Variants in MEF2D observed in about 807,000 individuals in gnomAD.
MEF2D encodes myocyte-specific enhancer factor 2D.
A neutral mutation model predicts 59.3 loss-of-function variants in MEF2D; 10 were observed. That is an observed-to-expected ratio of 0.17 (90% CI 0.10 to 0.29). The LOEUF (loss-of-function observed/expected upper bound fraction) is 0.29, where lower values mean the gene tolerates loss of function less well. Among genes scored for constraint, MEF2D ranks in the 10% least tolerant of loss-of-function variants. The pLI, the probability that MEF2D is intolerant of heterozygous loss-of-function variation, is 1.00. For synonymous variants in MEF2D, 305 were observed against 295.0 expected (o/e 1.03, Z -0.35); for missense variants, 508 against 699.4 (o/e 0.73, Z 3.09).
At chr1:156,478,011 G>A (rs1318767533) in intron 6 of MEF2D, among the ~76,000 whole-genome samples, 1 of 152,220 alleles carries the variant, frequency 6.6e-6, no homozygotes, top group Non-Finnish European at 1.5e-5. Context: ...GTTCACAGAA[G>A]AGGAAACTAG....
Position 156,468,003 on chromosome 1 carries a change from A to G in MEF2D, c.1544T>C (p.Leu515Pro). The G allele has an allele frequency of 6.2e-7, 1 of 1,612,344 alleles. No homozygotes were observed. Among genetic ancestry groups the G allele is most frequent in the Non-Finnish European group, 8.5e-7 (1 of 1,179,470 alleles). The change falls in exon 11 of 12, where the codon CTT becomes CCT. Residue 515 changes from leucine (L) to proline (P), a missense_variant. Coordinates refer to ENST00000348159, the MANE Select transcript of MEF2D (RefSeq NM_005920.4). This position sits in a 1 kb window ranked among gnomAD's most constrained non-coding sequence, Gnocchi z 4.3. ...AEGSAVKRMRLDTWTLK is the reference protein window; with the variant it reads ...AEGSAVKRMRPDTWTLK ...GTGATGCTACAGTACCCAGGTATCA[A>G]GCCGCATCCTCTTCACAGCTGAGCC... is the stretch of plus-strand genomic sequence containing the variant.
intron 6 of MEF2D, among the ~76,000 whole-genome samples, chr1:156,478,926 C>T (rs1425960105): frequency 5.9e-5 from 9 of 152,168 alleles, no homozygotes; most frequent in Non-Finnish European, 1.0e-4. Flanking sequence ...TGAGTGCCTG[C>T]GTGAGTGTCT....
chr1:156,483,078 G>A (rs2282286), intron 2 of MEF2D, among the ~76,000 whole-genome samples, 161 bp downstream of exon 2: 83,727 of 151,940 alleles, frequency 0.55, 24,989 homozygotes, highest in East Asian at 0.73. Flanking sequence ...CAAGAGCTGC[G>A]AAGAGGTTGG....
chr1:156,500,281 G>A (rs1384673826), intron 1 of MEF2D, among the ~76,000 whole-genome samples: 1 of 152,110 alleles, frequency 6.6e-6, no homozygotes, highest in African/African-American at 2.4e-5. Flanking sequence ...CCCCACGACA[G>A]ACTCCCTGAC....
chr1:156,468,976 T>A lies in MEF2D; in HGVS notation c.1051A>T (p.Ser351Cys), dbSNP rs868556095. The A allele has an allele frequency of 1.9e-6, 3 of 1,612,918 alleles. No individual in the cohort carries two copies. In the Middle Eastern group the frequency reaches 5.0e-4, roughly 266 times the overall value. Reference sequence around the variant, plus strand: ...CCTAGCGACAGCCCCCCAGGTGAACTAAAGGCTGGTAAGGAGGAGAGCTCT... The same window carrying A: ...CCTAGCGACAGCCCCCCAGGTGAACAAAAGGCTGGTAAGGAGGAGAGCTCT... ...SAELSSLPAF[S>C]SPGGLSLGNV... The change falls in exon 10 of 12, where the codon AGT (serine) becomes TGT (cysteine). Residue 351 changes from serine (S) to cysteine (C), a missense_variant. Transcript: ENST00000348159. This position sits in a 1 kb window ranked among gnomAD's most constrained non-coding sequence, Gnocchi z 4.3.
Position 156,464,333 on chromosome 1 carries a change from G to T in MEF2D, c.*3312C>A, listed in dbSNP as rs1670701982. The stretch of plus-strand genomic sequence containing the variant: ...ACAAATAAATAATCAGCAAGAGAAG[G>T]TGCATTACTTCCTTCCTGTCCAAGG... On this transcript the variant is annotated 3_prime_UTR_variant, in exon 12 of 12. Transcript: ENST00000348159. 1 of 151,668 alleles carries T rather than the reference G, an allele frequency of 6.6e-6. No individual in the cohort carries two copies. Among genetic ancestry groups the T allele is most frequent in the Non-Finnish European group, 1.5e-5 (1 of 67,882 alleles). 9.4% of individuals were successfully genotyped at this position (151,668 alleles called of 1,614,324 possible).
intron 5 of MEF2D, 48 bp from the exon 6 acceptor site, chr1:156,479,394 A>C: frequency 1.1e-5 from 17 of 1,592,534 alleles, no homozygotes; most frequent in Non-Finnish European, 1.5e-5. Flanking sequence ...TCCCGCTTCA[A>C]GAGTGAGTCT....
intron 1 of MEF2D, chr1:156,490,417 T>A (rs978539975): frequency 2.6e-5 from 4 of 152,416 alleles, no homozygotes; most frequent in African/African-American, 4.8e-5. Flanking sequence ...CCCACCGTCT[T>A]TCCCTCCCTC....
chr1:156,483,864 C>A (rs57712147), intron 1 of MEF2D, among the ~76,000 whole-genome samples: 1,528 of 152,294 alleles, frequency 0.01, 29 homozygotes, highest in African/African-American at 0.035. Context: ...AGTCAGTGAA[C>A]AACAAGCATG....
At chr1:156,469,088 G>A (rs1314858087) in intron 9 of MEF2D, 68 bp from the exon 10 acceptor site, 29 of 1,530,684 alleles carry the variant, frequency 1.9e-5, no homozygotes, top group Admixed American at 7.6e-5. Flanking sequence ...TGAGGGAGCT[G>A]CCTCCAGGAG....
chr1:156,467,904 G>C, intron 11 of MEF2D, 89 bp downstream of exon 11: 18 of 1,481,770 alleles, frequency 1.2e-5, no homozygotes, highest in Non-Finnish European at 1.6e-5. Context: ...AAGGCCTCTT[G>C]GGTGGGAAAT....
At chr1:156,480,020 T>C (rs1430415719) in intron 4 of MEF2D, among the ~76,000 whole-genome samples, 1 of 152,168 alleles carries the variant, frequency 6.6e-6, no homozygotes, top group East Asian at 1.9e-4. Flanking sequence ...GGTCCATTTC[T>C]GGCCCACAGA....
rs573053411 is a variant in MEF2D, at chr1:156,467,720, C to G, written c.1555-64G>C. 4.5e-5 allele frequency: 60 copies of G among 1,344,254 alleles called. No individual in the cohort carries two copies. In the East Asian group the frequency reaches 1.5e-3, roughly 35 times the overall value. The allele number at this position is 1,344,254 out of a possible 1,614,324, so 83.3% of individuals were successfully genotyped here. On this transcript the variant is annotated intron_variant, in intron 11 of 11. Coordinates refer to ENST00000348159, the MANE Select transcript of MEF2D (RefSeq NM_005920.4). The stretch of plus-strand genomic sequence containing the variant: ...TGGCCCAGGCTTTGGGTATGCACCC[C>G]CCACTCCCCTCTCCCCATAGGGCCA...
intron 1 of MEF2D, 116 bp from the exon 2 acceptor site, chr1:156,483,546 C>T: frequency 1.8e-6 from 1 of 569,132 alleles, no homozygotes. Flanking sequence ...ATCTGAGCTC[C>T]ACCCTCAACA....
rs1670740351 is a variant in MEF2D at position 156,464,768 on chromosome 1, A to C, written c.*2877T>G. On this transcript the variant is annotated 3_prime_UTR_variant, in exon 12 of 12. Coordinates refer to ENST00000348159, the MANE Select transcript of MEF2D (RefSeq NM_005920.4). ...GAAGAAAGGACACTGAAACATCCAC[A>C]CATGGTAATCAAAAGCCAGGTTTGC... 6.6e-6 allele frequency: 1 copy of C among 152,228 alleles called. No homozygotes were observed. 9.4% of individuals were successfully genotyped at this position (152,228 alleles called of 1,614,324 possible).
At chr1:156,489,496 C>T (rs1672609291) in intron 1 of MEF2D, among the ~76,000 whole-genome samples, 1 of 152,004 alleles carries the variant, frequency 6.6e-6, no homozygotes, top group South Asian at 2.1e-4. Flanking sequence ...GAGGCAGAGA[C>T]AGATAAGGAG....
chr1:156,479,893 T>G, intron 4 of MEF2D, 97 bp from the exon 5 acceptor site: 1 of 1,224,996 alleles, frequency 8.2e-7, no homozygotes, highest in East Asian at 2.6e-5. Flanking sequence ...TTCTCATTTC[T>G]GGGCTACGCA....
chr1:156,475,861 G>A (rs1401990358), intron 8 of MEF2D, among the ~76,000 whole-genome samples: 1 of 152,216 alleles, frequency 6.6e-6, no homozygotes, highest in Admixed American at 6.5e-5. Flanking sequence ...GGCTGGGGGT[G>A]AGTATGTAAG....
chr1:156,469,415 G>A (rs1193855158), intron 9 of MEF2D, among the ~76,000 whole-genome samples: 4 of 151,696 alleles, frequency 2.6e-5, no homozygotes, highest in South Asian at 4.2e-4. Flanking sequence ...ATGCCACCAC[G>A]CCCAGCTAAT....
Sources: gnomAD v4.1 joint callset for allele counts (sites outside exome capture counted in the v4.1 genomes callset) on GRCh38, gnomAD v4.1.1 for gene constraint, Gnocchi (gnomAD v3.1) non-coding constraint, MANE v1.5 for transcripts, NCBI Gene and HGNC (gene_info 2026-07-23, HGNC 2026-07-21) for gene names.